Variants in CDH12 observed in about 807,000 individuals in gnomAD.
The protein encoded by CDH12 is cadherin-12.
Under a neutral mutation model 74.1 loss-of-function variants are expected in CDH12, and 41 were observed. The ratio of observed to expected loss-of-function variants is 0.55; its 90% confidence interval spans 0.43 to 0.72. The LOEUF (loss-of-function observed/expected upper bound fraction) is 0.72. Ranked by LOEUF, CDH12 falls within the 30% of genes least tolerant of loss-of-function variation. The pLI is 0.00. For missense variants in CDH12, 945 were observed against 977.2 expected (o/e 0.97, Z 0.44); for synonymous variants, 399 against 355.0 (o/e 1.12, Z -1.39).
intron 1 of CDH12, among the ~76,000 whole-genome samples, chr5:22,607,423 T>C (rs1442136011): frequency 6.6e-6 from 1 of 152,162 alleles, no homozygotes; most frequent in Non-Finnish European, 1.5e-5. Flanking sequence ...CTCAGAATCA[T>C]GGCAAGAGGC....
At chr5:22,440,804 G>T (rs114846471) in intron 2 of CDH12, among the ~76,000 whole-genome samples, 387 of 152,166 alleles carry the variant, frequency 2.5e-3, no homozygotes, top group African/African-American at 9.0e-3. Context: ...AATAAACCAG[G>T]ATAATCTCCC....
At chr5:22,039,602 GAAT>G (rs1739429077) in intron 5 of CDH12, among the ~76,000 whole-genome samples, 1 of 152,082 alleles carries the variant, frequency 6.6e-6, no homozygotes, top group African/African-American at 2.4e-5. Flanking sequence ...GATAAAGTGA[GAAT>G]AAGAGGACCC....
intron 2 of CDH12, among the ~76,000 whole-genome samples, chr5:22,478,539 TTCTTGTTCAAGTAGAGAAG>T (rs1746264978): frequency 6.6e-6 from 1 of 152,004 alleles, no homozygotes; most frequent in East Asian, 1.9e-4. Context: ...AAAAGAGAAG[TTCTTGTTCAAGTAGAGAAG>T]TAAAAATTTA....
rs148521258 is a variant in CDH12 at position 22,627,107 on chromosome 5, C to T, written c.-522-121743G>A. Among the ~76,000 whole-genome samples the T allele has an allele frequency of 7.4e-4, 112 of 152,162 alleles. 1 individual carries two copies. The highest frequency in any genetic ancestry group is 2.2e-3 in the African/African-American group (93 of 41,510). ...GGATTATGTAAAGAGACAATATCTA[C>T]GACTCATTGGTATCCCTAAAAGAGA... On this transcript the variant is annotated intron_variant, in intron 1 of 14. Transcript: ENST00000382254.
At chr5:22,721,794 A>G (rs1243133617) in intron 1 of CDH12, among the ~76,000 whole-genome samples, 1 of 152,172 alleles carries the variant, frequency 6.6e-6, no homozygotes, top group East Asian at 1.9e-4. Flanking sequence ...ATAGAGAGTG[A>G]GTTTTCATGA....
intron 5 of CDH12, among the ~76,000 whole-genome samples, chr5:22,062,010 G>T (rs1305708844): frequency 6.6e-6 from 1 of 152,086 alleles, no homozygotes; most frequent in Non-Finnish European, 1.5e-5. Flanking sequence ...AGGATTGAAA[G>T]ATAAGTAGGC....
At chr5:21,936,624 T>C (rs1218399899) in intron 6 of CDH12, among the ~76,000 whole-genome samples, 1 of 152,160 alleles carries the variant, frequency 6.6e-6, no homozygotes, top group African/African-American at 2.4e-5. Flanking sequence ...AATATGTCAA[T>C]CTACTTTGCG....
intron 4 of CDH12, among the ~76,000 whole-genome samples, chr5:22,117,458 T>TTA (rs1355918274): frequency 2.3e-4 from 17 of 75,494 alleles, no homozygotes; most frequent in South Asian, 3.8e-4. Context: ...AATATATATA[T>TTA]TATATATATA....
intron 1 of CDH12, among the ~76,000 whole-genome samples, chr5:22,512,887 C>T (rs1375964709): frequency 6.6e-6 from 1 of 152,054 alleles, no homozygotes; most frequent in Admixed American, 6.6e-5. Flanking sequence ...CGTGGCAAAA[C>T]CCCATCTCTA....
At chr5:22,536,079 C>T (rs1192161298) in intron 1 of CDH12, among the ~76,000 whole-genome samples, 1 of 152,150 alleles carries the variant, frequency 6.6e-6, no homozygotes, top group Non-Finnish European at 1.5e-5. Context: ...GTATAAGGGA[C>T]TTGAGTATCT....
intron 6 of CDH12, among the ~76,000 whole-genome samples, chr5:21,963,860 ATAT>A (rs1756466760): frequency 6.6e-6 from 1 of 152,108 alleles, no homozygotes. Context: ...TCCACTACAC[ATAT>A]TACTGCACAG....
At chr5:22,555,636 T>C (rs2126740453) in intron 1 of CDH12, among the ~76,000 whole-genome samples, 1 of 152,166 alleles carries the variant, frequency 6.6e-6, no homozygotes. Context: ...CAAAATTCTT[T>C]ATCATTTCGT....
intron 4 of CDH12, among the ~76,000 whole-genome samples, chr5:22,081,876 G>A (rs1478018327): frequency 6.6e-6 from 1 of 152,194 alleles, no homozygotes; most frequent in African/African-American, 2.4e-5. Flanking sequence ...GCTAGAATAT[G>A]TGTCTATAGT....
At chr5:22,358,749 T>A (rs1740672186) in intron 3 of CDH12, among the ~76,000 whole-genome samples, 1 of 152,170 alleles carries the variant, frequency 6.6e-6, no homozygotes, top group South Asian at 2.1e-4. Flanking sequence ...ATGGTGACCA[T>A]AAGAGTGATG....
intron 10 of CDH12, among the ~76,000 whole-genome samples, chr5:21,790,572 A>T (rs1746434678): frequency 6.6e-6 from 1 of 152,090 alleles, no homozygotes; most frequent in African/African-American, 2.4e-5. Context: ...GGGATCTTTC[A>T]TTCCAATATC....
At chr5:22,579,069 T>C (rs1249009850) in intron 1 of CDH12, among the ~76,000 whole-genome samples, 1 of 152,178 alleles carries the variant, frequency 6.6e-6, no homozygotes, top group Non-Finnish European at 1.5e-5. Context: ...CTATACTGTT[T>C]GGTGTTACAT....
rs147320523 is a variant in CDH12, at chr5:22,611,757, G to A, written c.-522-106393C>T. Among the ~76,000 whole-genome samples the A allele has an allele frequency of 3.6e-3, 550 of 152,180 alleles. 1 individual carries two copies. Among genetic ancestry groups the A allele is most frequent in the African/African-American group, 0.01 (424 of 41,532 alleles). On this transcript the variant is annotated intron_variant, in intron 1 of 14. Transcript: ENST00000382254. ...TCCTATGTCCTGTTGGCTGAACCCAGAATCTAATTGGAAACTAGAGAACAA... is the reference window on the plus strand; with the variant it reads ...TCCTATGTCCTGTTGGCTGAACCCAAAATCTAATTGGAAACTAGAGAACAA...
At chr5:22,798,011 C>A (rs1277931426) in intron 1 of CDH12, among the ~76,000 whole-genome samples, 1 of 152,104 alleles carries the variant, frequency 6.6e-6, no homozygotes, top group Non-Finnish European at 1.5e-5. Flanking sequence ...TTTGTTTTGT[C>A]AGGAAGCCTT....
intron 1 of CDH12, among the ~76,000 whole-genome samples, chr5:22,776,895 T>TA (rs763826768): frequency 1.1e-4 from 17 of 152,294 alleles, no homozygotes; most frequent in Non-Finnish European, 1.8e-4. Context: ...AAGTTTCTAA[T>TA]TAGAAATATC....
Sources: gnomAD v4.1 joint callset for allele counts (sites outside exome capture counted in the v4.1 genomes callset) on GRCh38, gnomAD v4.1.1 for gene constraint, MANE v1.5 for transcripts, NCBI Gene and HGNC (gene_info 2026-07-23, HGNC 2026-07-21) for gene names.